CAMK2B: variants seen among roughly 807,000 people sequenced by gnomAD.
CAMK2B encodes calcium/calmodulin-dependent protein kinase type II subunit beta.
Under a neutral mutation model 93.7 loss-of-function variants are expected in CAMK2B, and 27 were observed. The ratio of observed to expected loss-of-function variants is 0.29; its 90% CI spans 0.21 to 0.40. The LOEUF (loss-of-function observed/expected upper bound fraction) is 0.40. CAMK2B is among the 10% of genes least tolerant of loss of function. The pLI, the probability that CAMK2B is intolerant of heterozygous loss-of-function variation, is 1.00. For missense variants in CAMK2B, 568 were observed against 895.8 expected, an observed-to-expected ratio of 0.63 and a Z score of 4.67; for synonymous variants, 374 against 358.8, an observed-to-expected ratio of 1.04 and a Z score of -0.48.
intron 4 of CAMK2B, among the ~76,000 whole-genome samples, chr7:44,256,423 ATGTGTGCCTGTGTGCATGTGTGTACAAC>A (rs1562927867): frequency 2.6e-5 from 4 of 151,838 alleles, no homozygotes. Context: ...ATTGTTTTGC[ATGTGTGCCTGTGTGCATGTGTGTACAAC>A]TGTGTGCCTG....
intron 16 of CAMK2B, among the ~76,000 whole-genome samples, chr7:44,232,509 GC>G (rs2128926787): frequency 6.6e-6 from 1 of 152,290 alleles, no homozygotes; most frequent in Non-Finnish European, 1.5e-5. Flanking sequence ...TGAGATGCAG[GC>G]CCTGCTCCAG....
Position 44,229,413 on chromosome 7 carries a change from A to G in CAMK2B, c.1314T>C (p.Ala438=). The G allele has an allele frequency of 6.6e-7, 1 of 1,512,982 alleles. No homozygotes were observed. The allele number at this position is 1,512,982 out of a possible 1,614,324, so 93.7% of individuals were successfully genotyped here. ...AEGPLPCPSP[A]PFSPLPAPSP... is the part of the protein sequence containing the mutation. Reference sequence around the variant, plus strand: ...ATGGGGCTGGCAGGGGGCTAAAGGGAGCCGGAGATGGGCAGGGCAGGGGCC... The same window carrying G: ...ATGGGGCTGGCAGGGGGCTAAAGGGGGCCGGAGATGGGCAGGGCAGGGGCC... Residue 438 remains alanine, a synonymous_variant, in exon 18 of 24, where the codon GCT becomes GCC. Coordinates refer to ENST00000395749, the MANE Select transcript of CAMK2B (RefSeq NM_001220.5).
intron 1 of CAMK2B, among the ~76,000 whole-genome samples, chr7:44,313,052 C>T (rs569820188): frequency 2.6e-5 from 4 of 152,178 alleles, no homozygotes; most frequent in African/African-American, 7.2e-5. Context: ...GGGGCTGGTG[C>T]GCTTCCTCAG....
intron 1 of CAMK2B, among the ~76,000 whole-genome samples, chr7:44,318,136 C>T (rs939683888): frequency 5.9e-5 from 9 of 152,328 alleles, no homozygotes; most frequent in African/African-American, 1.4e-4. Flanking sequence ...CTGGATCAAA[C>T]TCACAGACGC....
intron 6 of CAMK2B, chr7:44,245,010 G>A (rs778649589): frequency 8.8e-6 from 4 of 455,408 alleles, no homozygotes; most frequent in South Asian, 4.7e-5. Context: ...CAAGCTCCCC[G>A]TGCAGCTACA....
chr7:44,317,851 G>C (rs1451373845), intron 1 of CAMK2B, among the ~76,000 whole-genome samples: 1 of 152,176 alleles, frequency 6.6e-6, no homozygotes, highest in Non-Finnish European at 1.5e-5. Context: ...AGGGTTATAT[G>C]AAGGAGTGTG....
At chr7:44,318,563 C>T (rs1276907532) in intron 1 of CAMK2B, among the ~76,000 whole-genome samples, 1 of 152,216 alleles carries the variant, frequency 6.6e-6, no homozygotes, top group Non-Finnish European at 1.5e-5. Context: ...AAACGGCACT[C>T]ACTGGGATGT....
chr7:44,244,050 T>A (rs563789162), intron 6 of CAMK2B, among the ~76,000 whole-genome samples: 36 of 152,258 alleles, frequency 2.4e-4, no homozygotes, highest in Non-Finnish European at 4.3e-4. Flanking sequence ...TATTTCCTGC[T>A]GAGATGGTGA....
chr7:44,296,907 T>C (rs1461356559), intron 1 of CAMK2B, among the ~76,000 whole-genome samples: 1 of 151,998 alleles, frequency 6.6e-6, no homozygotes. Flanking sequence ...TTATAAGAAA[T>C]GTTAAAAGAA....
At chr7:44,222,156 T>A (rs1017289226) in intron 20 of CAMK2B, among the ~76,000 whole-genome samples, 2 of 152,144 alleles carry the variant, frequency 1.3e-5, no homozygotes, top group African/African-American at 4.8e-5. Flanking sequence ...AAGTAATTCG[T>A]CCGTGGAAAA....
At chr7:44,256,991 C>T (rs541618370) in intron 4 of CAMK2B, among the ~76,000 whole-genome samples, 9 of 152,330 alleles carry the variant, frequency 5.9e-5, no homozygotes, top group African/African-American at 2.2e-4. Flanking sequence ...TTTCCTTAGG[C>T]TGTGGGGGAC....
At position 44,263,040 on chromosome 7, in the gene CAMK2B, GCC is replaced by G; in HGVS notation, c.183_184del (p.Glu61AspfsTer39). 6.2e-7 allele frequency: 1 copy of G among 1,613,754 alleles called. No homozygotes were observed. Among genetic ancestry groups the G allele is most frequent in the Non-Finnish European group, 8.5e-7 (1 of 1,179,816 alleles). ...ATGCTTCAGAAGGCGGCAGATCCGAGCCTCTCTCTCCAGCTTCTGGTGATCTG... is the reference window on the plus strand; with the variant it reads ...ATGCTTCAGAAGGCGGCAGATCCGAGTCTCTCTCCAGCTTCTGGTGATCTG... On this transcript the variant is annotated frameshift_variant, in exon 3 of 24. Coordinates refer to ENST00000395749, the MANE Select transcript of CAMK2B (RefSeq NM_001220.5). LOFTEE classifies it high-confidence loss of function.
chr7:44,220,477 G>A (rs968243814), intron 22 of CAMK2B, 139 bp downstream of exon 22: 40 of 863,144 alleles, frequency 4.6e-5, no homozygotes, highest in African/African-American at 2.0e-4. Flanking sequence ...GGCCTCTGGC[G>A]GGGGAGAGGT....
At chr7:44,274,348 C>T (rs1394836104) in intron 2 of CAMK2B, among the ~76,000 whole-genome samples, 2 of 152,190 alleles carry the variant, frequency 1.3e-5, no homozygotes, top group Non-Finnish European at 2.9e-5. Context: ...CCCCCAGGAC[C>T]TTCCAGGGCT....
Position 44,320,173 on chromosome 7 carries a change from A to C in CAMK2B, c.65+5184T>G, listed in dbSNP as rs539541757. On this transcript the variant is annotated intron_variant, in intron 1 of 23. Coordinates refer to ENST00000395749, the MANE Select transcript of CAMK2B (RefSeq NM_001220.5). ...TTCTAGTCTTGCTGGTGTCATATGGAGTCAGAGTGTTGGTTGTCTTTGATG... is the reference window on the plus strand; with the variant it reads ...TTCTAGTCTTGCTGGTGTCATATGGCGTCAGAGTGTTGGTTGTCTTTGATG... 3.2e-4 allele frequency among the ~76,000 whole-genome samples: 48 copies of C among 152,278 alleles called. No individual in the cohort carries two copies. The South Asian group carries it at 8.5e-3, about 27-fold the overall frequency.
intron 18 of CAMK2B, 33 bp from the exon 19 acceptor site, chr7:44,228,957 G>A (rs1562814698): frequency 5.6e-6 from 9 of 1,602,462 alleles, no homozygotes; most frequent in Non-Finnish European, 7.7e-6. Context: ...TGAACATGAG[G>A]CAGACAGACA....
intron 15 of CAMK2B, 142 bp from the exon 16 acceptor site, chr7:44,233,008 G>A (rs2096593987): frequency 1.3e-6 from 1 of 743,222 alleles, no homozygotes; most frequent in Admixed American, 2.1e-5. Flanking sequence ...GAGCAGAGTG[G>A]GGGACAGGGA....
intron 1 of CAMK2B, among the ~76,000 whole-genome samples, chr7:44,316,519 C>T (rs1794863678): frequency 6.6e-6 from 1 of 152,162 alleles, no homozygotes; most frequent in Non-Finnish European, 1.5e-5. Flanking sequence ...TAGGGTATTG[C>T]TGGCTTCACA....
chr7:44,273,187 G>A (rs977167102), intron 2 of CAMK2B, among the ~76,000 whole-genome samples: 2 of 152,134 alleles, frequency 1.3e-5, no homozygotes, highest in African/African-American at 4.8e-5. Context: ...CAAACCAGCC[G>A]AAACTGCCTC....
Sources: allele counts gnomAD v4.1 joint callset (sites outside exome capture counted in the v4.1 genomes callset), GRCh38; gene constraint gnomAD v4.1.1; transcripts MANE v1.5; gene names NCBI Gene and HGNC (gene_info 2026-07-23, HGNC 2026-07-21).